The following LRFN5 variants were observed in gnomAD, a reference collection of about 807,000 sequenced individuals.
LRFN5 encodes the protein leucine rich repeat and fibronectin type III domain containing 5, also known as leucine-rich repeat and fibronectin type-III domain-containing protein 5.
LRFN5 carries 24 observed loss-of-function variants against 45.6 expected under a neutral mutation model. The observed-to-expected ratio is 0.53, with a 90% confidence interval of 0.38 to 0.74. The LOEUF (loss-of-function observed/expected upper bound fraction) is 0.74, where lower values mean the gene tolerates loss of function less well. LRFN5 is among the 30% of genes least tolerant of loss of function. LRFN5 has a pLI of 0.00. For missense variants in LRFN5, 776 were observed against 861.5 expected (o/e 0.90, Z 1.24); for synonymous variants, 340 against 313.8 (o/e 1.08, Z -0.88).
intron 2 of LRFN5, among the ~76,000 whole-genome samples, chr14:41,787,567 GA>G (rs1235825702): frequency 6.6e-6 from 1 of 151,370 alleles, no homozygotes; most frequent in Non-Finnish European, 1.5e-5. Flanking sequence ...CTCTTCAGTA[GA>G]GGTAGAAGCA....
intron 1 of LRFN5, among the ~76,000 whole-genome samples, chr14:41,647,259 A>G (rs942805171): frequency 8.5e-5 from 13 of 152,168 alleles, no homozygotes; most frequent in African/African-American, 2.4e-5. Flanking sequence ...CAGAAACAAT[A>G]TGACAAATGC....
At chr14:41,851,703 G>A (rs143473642) in intron 2 of LRFN5, among the ~76,000 whole-genome samples, 298 of 151,838 alleles carry the variant, frequency 2.0e-3, no homozygotes, top group African/African-American at 6.7e-3. Context: ...AACAGGTTGG[G>A]TGGCTTAAAG....
At chr14:41,694,517 A>G (rs1220326816) in intron 1 of LRFN5, among the ~76,000 whole-genome samples, 1 of 151,910 alleles carries the variant, frequency 6.6e-6, no homozygotes, top group Non-Finnish European at 1.5e-5. Context: ...AAATAACAAT[A>G]TTTTGTTCTT....
At chr14:41,678,474 A>T (rs181063747) in intron 1 of LRFN5, among the ~76,000 whole-genome samples, 1 of 152,172 alleles carries the variant, frequency 6.6e-6, no homozygotes, top group African/African-American at 2.4e-5. Context: ...CCCATTTTCA[A>T]TAATGGATAT....
intron 1 of LRFN5, among the ~76,000 whole-genome samples, chr14:41,704,978 T>C (rs1467213880): frequency 2.0e-5 from 3 of 152,162 alleles, no homozygotes; most frequent in African/African-American, 7.2e-5. Flanking sequence ...AATGATGTGA[T>C]GTATGTAGGC....
intron 1 of LRFN5, among the ~76,000 whole-genome samples, chr14:41,613,196 A>T (rs1566588140): frequency 6.6e-6 from 1 of 152,100 alleles, no homozygotes; most frequent in Non-Finnish European, 1.5e-5. Flanking sequence ...TTTAAGTTAC[A>T]TGGTCATATT....
intron 2 of LRFN5, among the ~76,000 whole-genome samples, chr14:41,851,608 GGTT>G (rs1460408647): frequency 6.6e-6 from 1 of 151,708 alleles, no homozygotes; most frequent in Non-Finnish European, 1.5e-5. Flanking sequence ...AACTTATGGT[GGTT>G]GTTTAATTTT....
intron 1 of LRFN5, among the ~76,000 whole-genome samples, chr14:41,651,596 C>T (rs961419598): frequency 2.0e-5 from 3 of 152,110 alleles, no homozygotes; most frequent in Non-Finnish European, 4.4e-5. Context: ...CTAGAATAAA[C>T]CATCCTTTAG....
chr14:41,863,112 C>T (rs905114587), intron 2 of LRFN5, among the ~76,000 whole-genome samples: 3 of 152,116 alleles, frequency 2.0e-5, no homozygotes, highest in Non-Finnish European at 2.9e-5. Context: ...GATCCGCCCG[C>T]CTCAGCCTCC....
chr14:41,704,436 C>CTGTGTGTGTGTGTGTGTG lies in LRFN5; in HGVS notation c.-196-62417_-196-62416insGTGTGTGTGTGTGTGTGT, dbSNP rs1430752309. 6.6e-3 allele frequency among the ~76,000 whole-genome samples: 587 copies of CTGTGTGTGTGTGTGTGTG among 89,430 alleles called. 11 individuals carry two copies. Among genetic ancestry groups the CTGTGTGTGTGTGTGTGTG allele is most frequent in the African/African-American group, 0.028 (520 of 18,512 alleles). 58.7% of individuals were successfully genotyped at this position (89,430 alleles called of 152,430 possible). A position where few individuals can be genotyped will look rare whatever the true frequency, so the allele number is the denominator to read the frequency against. The stretch of plus-strand genomic sequence containing the variant: ...TCTCTCTCTCTCTCTCTCTCTCTCT[C>CTGTGTGTGTGTGTGTGTG]TCTCTCTCTCTCTGTGTGTGTGTGT... On this transcript the variant is annotated intron_variant, in intron 1 of 5. Transcript: ENST00000298119.
At chr14:41,784,394 T>C (rs1886642814) in intron 2 of LRFN5, among the ~76,000 whole-genome samples, 1 of 151,148 alleles carries the variant, frequency 6.6e-6, no homozygotes, top group African/African-American at 2.4e-5. Flanking sequence ...TTTTTATTTC[T>C]TTTTTTTTAA....
intron 1 of LRFN5, among the ~76,000 whole-genome samples, chr14:41,724,627 A>T (rs74046684): frequency 0.045 from 6,822 of 152,190 alleles, 341 homozygotes; most frequent in African/African-American, 0.12. Flanking sequence ...GCCAGTGTAG[A>T]TATTTTTATC....
At chr14:41,644,193 T>C (rs1382315532) in intron 1 of LRFN5, among the ~76,000 whole-genome samples, 1 of 152,226 alleles carries the variant, frequency 6.6e-6, no homozygotes, top group African/African-American at 2.4e-5. Flanking sequence ...AAAAGTTTTA[T>C]AAAATGATTA....
intron 1 of LRFN5, among the ~76,000 whole-genome samples, chr14:41,650,521 C>A (rs1429589305): frequency 6.6e-6 from 1 of 152,052 alleles, no homozygotes; most frequent in Non-Finnish European, 1.5e-5. Context: ...TACATGAACT[C>A]TTTGTTAGAG....
At chr14:41,902,116 A>G (rs896580157) in intron 5 of LRFN5, among the ~76,000 whole-genome samples, 2 of 151,846 alleles carry the variant, frequency 1.3e-5, no homozygotes, top group African/African-American at 4.8e-5. Context: ...CTTTTCCCAC[A>G]ATTCATTTAA....
At chr14:41,699,106 A>G (rs550294006) in intron 1 of LRFN5, among the ~76,000 whole-genome samples, 15 of 152,254 alleles carry the variant, frequency 9.9e-5, no homozygotes, top group Admixed American at 2.6e-4. Context: ...CATTTTTACC[A>G]CTACAAAAGT....
chr14:41,864,584 C>T (rs1889777579), intron 2 of LRFN5, among the ~76,000 whole-genome samples: 1 of 152,094 alleles, frequency 6.6e-6, no homozygotes, highest in South Asian at 2.1e-4. Flanking sequence ...TTATCTTAAC[C>T]ATTTACATCT....
intron 4 of LRFN5, among the ~76,000 whole-genome samples, chr14:41,895,730 A>T (rs1020091085): frequency 6.6e-6 from 1 of 152,038 alleles, no homozygotes; most frequent in African/African-American, 2.4e-5. Flanking sequence ...CTAACCATTA[A>T]AGGAGTCAGT....
chr14:41,683,454 G>A (rs1881991596), intron 1 of LRFN5, among the ~76,000 whole-genome samples: 1 of 152,052 alleles, frequency 6.6e-6, no homozygotes, highest in Non-Finnish European at 1.5e-5. Context: ...CATAGTATGG[G>A]GTGTCCTATC....
Sources: gnomAD v4.1 joint callset for allele counts (sites outside exome capture counted in the v4.1 genomes callset) on GRCh38, gnomAD v4.1.1 for gene constraint, MANE v1.5 for transcripts, NCBI Gene and HGNC (gene_info 2026-07-23, HGNC 2026-07-21) for gene names.